Variants in FRMD4A observed in about 807,000 individuals in gnomAD.
The protein encoded by FRMD4A is FERM domain containing 4A.
FRMD4A carries 29 observed loss-of-function variants against 129.1 expected under a neutral mutation model. The observed-to-expected ratio is 0.22, with a 90% CI of 0.17 to 0.31. FRMD4A has a LOEUF of 0.31. Ranked by LOEUF, FRMD4A falls within the 10% of genes least tolerant of loss-of-function variation. The pLI is 1.00. For missense variants in FRMD4A, 1,272 were observed against 1,375.8 expected (o/e 0.92, Z 1.19); for synonymous variants, 634 against 571.6 (o/e 1.11, Z -1.56).
chr10:13,668,768 C>T (rs2083267865), intron 17 of FRMD4A, among the ~76,000 whole-genome samples: 1 of 152,132 alleles, frequency 6.6e-6, no homozygotes, highest in Non-Finnish European at 1.5e-5. Flanking sequence ...AGGTATCTGC[C>T]CAGCAACAGG....
intron 6 of FRMD4A, among the ~76,000 whole-genome samples, chr10:13,772,086 C>T (rs973289653): frequency 4.0e-5 from 6 of 148,994 alleles, no homozygotes; most frequent in Non-Finnish European, 5.9e-5. Context: ...CACCGCACTC[C>T]AGCCTGGGTG....
chr10:13,854,111 C>G (rs553113294), intron 3 of FRMD4A, among the ~76,000 whole-genome samples: 4 of 152,316 alleles, frequency 2.6e-5, no homozygotes, highest in African/African-American at 7.2e-5. Flanking sequence ...AGTCCAGAAT[C>G]TTTCCTACTA....
intron 2 of FRMD4A, among the ~76,000 whole-genome samples, chr10:14,248,217 T>C (rs1191731841): frequency 6.6e-6 from 1 of 151,900 alleles, no homozygotes; most frequent in Non-Finnish European, 1.5e-5. Context: ...TGCCCAAATA[T>C]AAGGAGACCC....
At chr10:13,694,328 T>C (rs1441105467) in intron 14 of FRMD4A, among the ~76,000 whole-genome samples, 1 of 152,174 alleles carries the variant, frequency 6.6e-6, no homozygotes, top group Non-Finnish European at 1.5e-5. Context: ...TTAGGAAAAG[T>C]GACTTAATCT....
intron 13 of FRMD4A, among the ~76,000 whole-genome samples, chr10:13,702,483 A>T (rs1162218032): frequency 6.6e-6 from 1 of 152,152 alleles, no homozygotes; most frequent in African/African-American, 2.4e-5. Flanking sequence ...TTAGTGAAGT[A>T]TATTTTATAG....
At chr10:14,056,358 T>C (rs1834531030) in intron 2 of FRMD4A, among the ~76,000 whole-genome samples, 1 of 152,174 alleles carries the variant, frequency 6.6e-6, no homozygotes, top group Non-Finnish European at 1.5e-5. Context: ...ACTATGTTTT[T>C]GTGTTGATTA....
intron 2 of FRMD4A, among the ~76,000 whole-genome samples, chr10:14,290,072 GA>G (rs1845804266): frequency 6.6e-6 from 1 of 152,016 alleles, no homozygotes; most frequent in Non-Finnish European, 1.5e-5. Flanking sequence ...CTTGCACACT[GA>G]AAACTACAAA....
At chr10:13,661,103 C>CT (rs1303787117) in intron 19 of FRMD4A, among the ~76,000 whole-genome samples, 1 of 152,146 alleles carries the variant, frequency 6.6e-6, no homozygotes, top group Non-Finnish European at 1.5e-5. Flanking sequence ...GTCTACTCTG[C>CT]TTTTTTCCCC....
intron 15 of FRMD4A, chr10:13,684,516 A>T: frequency 1.0e-6 from 1 of 985,282 alleles, no homozygotes; most frequent in Non-Finnish European, 1.2e-6. Context: ...CGCCAGCAGC[A>T]CAAACAGCAG....
In FRMD4A at chr10:13,664,403, G is replaced by T. The variant is rs1429503528; in HGVS notation, c.1604-894C>A. Among the ~76,000 whole-genome samples, 3 of 152,134 alleles carry T rather than the reference G, an allele frequency of 2.0e-5. No homozygotes were observed. The East Asian group carries it at 5.8e-4, about 29-fold the overall frequency. On this transcript the variant is annotated intron_variant, in intron 18 of 24. Transcript: ENST00000357447. ...GAGGGAGCTTTACTAGGAGGTAGGG[G>T]AAAAGTTGTGTGGTCTTGGCCAAGG... is the stretch of plus-strand genomic sequence containing the variant.
chr10:14,060,143 T>G (rs535719327), intron 2 of FRMD4A, among the ~76,000 whole-genome samples: 21 of 152,246 alleles, frequency 1.4e-4, no homozygotes, highest in Non-Finnish European at 2.9e-4. Flanking sequence ...TCAATTCACT[T>G]ATTTAATTAT....
At chr10:13,749,618 G>A (rs1412073192) in intron 8 of FRMD4A, among the ~76,000 whole-genome samples, 1 of 152,168 alleles carries the variant, frequency 6.6e-6, no homozygotes, top group Non-Finnish European at 1.5e-5. Context: ...CATTACGTCT[G>A]TGTGTGGTGA....
intron 2 of FRMD4A, among the ~76,000 whole-genome samples, chr10:14,231,965 G>A (rs969777956): frequency 2.0e-5 from 3 of 152,122 alleles, no homozygotes; most frequent in African/African-American, 7.2e-5. Flanking sequence ...TTGTTTTCAT[G>A]GTAATTGCTT....
chr10:14,284,997 C>T (rs1845637399), intron 2 of FRMD4A, among the ~76,000 whole-genome samples: 1 of 152,178 alleles, frequency 6.6e-6, no homozygotes, highest in East Asian at 1.9e-4. Context: ...CAACACAGAG[C>T]CTGATACGAA....
At chr10:14,247,896 C>A (rs1281130564) in intron 2 of FRMD4A, among the ~76,000 whole-genome samples, 1 of 149,928 alleles carries the variant, frequency 6.7e-6, no homozygotes, top group Non-Finnish European at 1.5e-5. Context: ...TGGACCTTCA[C>A]ACGAAACAGC....
intron 2 of FRMD4A, among the ~76,000 whole-genome samples, chr10:13,947,386 G>A (rs1473982730): frequency 6.6e-6 from 1 of 151,986 alleles, no homozygotes; most frequent in Admixed American, 6.5e-5. Flanking sequence ...TAATTGAGTG[G>A]GATTTTAAAC....
At chr10:13,714,060 A>ATATATATATATATATC (rs1564673664) in intron 12 of FRMD4A, among the ~76,000 whole-genome samples, 4 of 120,124 alleles carry the variant, frequency 3.3e-5, no homozygotes, top group Non-Finnish European at 5.0e-5. Flanking sequence ...ATATATATAT[A>ATATATATATATATATC]AAATATACTT....
chr10:13,664,713 T>A (rs567069056), intron 18 of FRMD4A, among the ~76,000 whole-genome samples: 1 of 152,094 alleles, frequency 6.6e-6, no homozygotes. Context: ...CATTTTTTTT[T>A]TTTTCAGAGA....
chr10:13,847,398 A>G (rs764254419), intron 3 of FRMD4A, among the ~76,000 whole-genome samples: 59 of 152,310 alleles, frequency 3.9e-4, no homozygotes, highest in Non-Finnish European at 7.6e-4. Flanking sequence ...TCAGAGAAAA[A>G]TACAGAGCAG....
Sources: allele counts gnomAD v4.1 joint callset (sites outside exome capture counted in the v4.1 genomes callset), GRCh38; gene constraint gnomAD v4.1.1; transcripts MANE v1.5; gene names NCBI Gene and HGNC (gene_info 2026-07-23, HGNC 2026-07-21).